Variants in TMPRSS15 observed in about 807,000 individuals in gnomAD.
TMPRSS15 encodes transmembrane serine protease 15.
A neutral mutation model predicts 125.3 loss-of-function variants in TMPRSS15; 128 were observed. The observed-to-expected ratio is 1.02, with a 90% CI of 0.89 to 1.18. The LOEUF is 1.18. Ranked by LOEUF, TMPRSS15 falls within the 50% of genes most tolerant of loss-of-function variation. The pLI is 0.00. For missense variants in TMPRSS15, 1,283 were observed against 1,212.7 expected, an observed-to-expected ratio of 1.06 and a Z score of -0.86; for synonymous variants, 446 against 423.2, an observed-to-expected ratio of 1.05 and a Z score of -0.66.
intron 1 of TMPRSS15, among the ~76,000 whole-genome samples, chr21:18,413,328 C>CTTCCTTCCTTCCTTCCT (rs2076171897): frequency 7.9e-6 from 1 of 126,092 alleles, no homozygotes; most frequent in Non-Finnish European, 1.7e-5. Context: ...TCCTTCCTTC[C>CTTCCTTCCTTCCTTCCT]TTCCTTCCTT....
At chr21:18,422,683 G>A (rs934334236) in intron 1 of TMPRSS15, among the ~76,000 whole-genome samples, 1 of 152,166 alleles carries the variant, frequency 6.6e-6, no homozygotes, top group South Asian at 2.1e-4. Context: ...ATAGCCTACG[G>A]TATCAAAGCC....
At chr21:18,410,988 A>G (rs2076164664) in intron 1 of TMPRSS15, among the ~76,000 whole-genome samples, 1 of 152,190 alleles carries the variant, frequency 6.6e-6, no homozygotes, top group South Asian at 2.1e-4. Flanking sequence ...ACTATTAAAA[A>G]TACTACCAAA....
chr21:18,408,469 T>C (rs1381606127), upstream of TMPRSS15, among the ~76,000 whole-genome samples: 1 of 152,184 alleles, frequency 6.6e-6, no homozygotes. Flanking sequence ...AGAGACTTCT[T>C]TTTTCTCCAA....
intron 3 of TMPRSS15, among the ~76,000 whole-genome samples, chr21:18,390,933 C>T (rs2075985186): frequency 1.3e-5 from 2 of 152,280 alleles, no homozygotes; most frequent in South Asian, 4.1e-4. Context: ...CAAGGACCTT[C>T]TTCACGTGGT....
intron 16 of TMPRSS15, among the ~76,000 whole-genome samples, chr21:18,322,350 T>C (rs2075247139): frequency 6.6e-6 from 1 of 152,140 alleles, no homozygotes; most frequent in African/African-American, 2.4e-5. Flanking sequence ...ATAACTACCA[T>C]ATAATTCAGG....
At chr21:18,424,341 C>T (rs1394647055) in intron 1 of TMPRSS15, among the ~76,000 whole-genome samples, 1 of 152,182 alleles carries the variant, frequency 6.6e-6, no homozygotes, top group East Asian at 1.9e-4. Context: ...TCCCAATTGT[C>T]TAGTAAAGCT....
rs1569019870 is a variant in TMPRSS15 at position 18,341,555 on chromosome 21, T to C, written c.1429-7A>G. The C allele has an allele frequency of 6.2e-7, 1 of 1,613,962 alleles. No homozygotes were observed. The highest frequency in any genetic ancestry group is 8.5e-7 in the Non-Finnish European group (1 of 1,179,878). ...TAAAAGCATTAAAAGCAACCTGCAA[T>C]TCAGAGAGGCATATGAAACGATTTG... On this transcript the variant is annotated splice_polypyrimidine_tract_variant and splice_region_variant and intron_variant, in intron 12 of 24. Coordinates refer to ENST00000284885, the MANE Select transcript of TMPRSS15 (RefSeq NM_002772.3).
intron 1 of TMPRSS15, chr21:18,460,766 C>A (rs1302570905): frequency 6.6e-6 from 1 of 152,134 alleles, no homozygotes; most frequent in Non-Finnish European, 1.5e-5. Context: ...TAATGAAGGA[C>A]CCAATGCTTT....
chr21:18,426,801 C>T (rs2824823), intron 1 of TMPRSS15, among the ~76,000 whole-genome samples: 62,297 of 151,922 alleles, frequency 0.41, 13,264 homozygotes, highest in Middle Eastern at 0.48. Flanking sequence ...TGTTGCCAAA[C>T]GGTTTGTCAA....
At chr21:18,340,576 C>T (rs995397930) in intron 13 of TMPRSS15, among the ~76,000 whole-genome samples, 8 of 152,146 alleles carry the variant, frequency 5.3e-5, no homozygotes, top group Non-Finnish European at 7.4e-5. Flanking sequence ...CTCTAGAGAA[C>T]GCTGACTAAT....
intron 1 of TMPRSS15, among the ~76,000 whole-genome samples, chr21:18,477,205 C>G (rs1978897044): frequency 6.6e-6 from 1 of 152,090 alleles, no homozygotes; most frequent in South Asian, 2.1e-4. Flanking sequence ...GCAGTGGAGC[C>G]TGCAGATGAT....
At chr21:18,365,627 T>TCTCC (rs2075723213) in intron 6 of TMPRSS15, among the ~76,000 whole-genome samples, 1 of 3,192 alleles carries the variant, frequency 3.1e-4, no homozygotes, top group Non-Finnish European at 1.3e-3. Context: ...TCTCTTTCTT[T>TCTCC]CTCTTTCTCT....
chr21:18,366,015 G>T (rs892744782), intron 6 of TMPRSS15, among the ~76,000 whole-genome samples: 1 of 152,032 alleles, frequency 6.6e-6, no homozygotes, highest in Non-Finnish European at 1.5e-5. Context: ...GATTACAGGC[G>T]TGAGCCACTG....
At chr21:18,322,497 AAGAG>A (rs2075249065) in intron 16 of TMPRSS15, among the ~76,000 whole-genome samples, 1 of 152,182 alleles carries the variant, frequency 6.6e-6, no homozygotes, top group African/African-American at 2.4e-5. Context: ...AACAGATGAA[AAGAG>A]AGAGAGAAAA....
chr21:18,346,469 C>A (rs546001891), intron 10 of TMPRSS15, among the ~76,000 whole-genome samples: 1 of 152,292 alleles, frequency 6.6e-6, no homozygotes, highest in African/African-American at 2.4e-5. Context: ...GTTAGCTCTA[C>A]AGAAGTTTAA....
chr21:18,341,054 G>T (rs1028022856), intron 13 of TMPRSS15, among the ~76,000 whole-genome samples: 3 of 152,114 alleles, frequency 2.0e-5, no homozygotes, highest in Admixed American at 6.5e-5. Context: ...AATAATTATT[G>T]TTTTTTGTTT....
intron 1 of TMPRSS15, among the ~76,000 whole-genome samples, chr21:18,427,243 C>T (rs1230356577): frequency 2.0e-5 from 3 of 152,182 alleles, no homozygotes; most frequent in African/African-American, 2.4e-5. Flanking sequence ...AAAATCTACC[C>T]GCTCCTTGCT....
chr21:18,450,218 G>A (rs1344329180), intron 1 of TMPRSS15, among the ~76,000 whole-genome samples: 1 of 151,374 alleles, frequency 6.6e-6, no homozygotes, highest in African/African-American at 2.4e-5. Context: ...TATTGCTTGT[G>A]GGAATTATTC....
chr21:18,389,621 T>C (rs970135502), intron 3 of TMPRSS15, among the ~76,000 whole-genome samples: 5 of 152,128 alleles, frequency 3.3e-5, no homozygotes, highest in African/African-American at 1.2e-4. Context: ...ACCAGGCCTA[T>C]ATATAAAAGT....
Sources: allele counts gnomAD v4.1 joint callset (sites outside exome capture counted in the v4.1 genomes callset), GRCh38; gene constraint gnomAD v4.1.1; transcripts MANE v1.5; gene names NCBI Gene and HGNC (gene_info 2026-07-23, HGNC 2026-07-21).